The following MDGA2 variants were observed in gnomAD, a reference collection of about 807,000 sequenced individuals.
The protein encoded by MDGA2 is MAM domain containing glycosylphosphatidylinositol anchor 2, also known as MAM domain-containing glycosylphosphatidylinositol anchor protein 2.
In MDGA2, 40 loss-of-function variants were observed where a neutral mutation model predicts 117.8. The ratio of observed to expected loss-of-function variants is 0.34; its 90% CI spans 0.26 to 0.44. MDGA2 has a LOEUF of 0.44. MDGA2 is among the 20% of genes least tolerant of loss of function. MDGA2 has a pLI of 1.00. For missense variants in MDGA2, 1,123 were observed against 1,250.6 expected (o/e 0.90, Z 1.54); for synonymous variants, 452 against 439.0 (o/e 1.03, Z -0.37).
At chr14:47,586,843 C>T (rs1264485290) in intron 1 of MDGA2, among the ~76,000 whole-genome samples, 1 of 148,538 alleles carries the variant, frequency 6.7e-6, no homozygotes, top group Non-Finnish European at 1.5e-5. Context: ...TCTCCACATG[C>T]TTTGCTCTGT....
intron 1 of MDGA2, among the ~76,000 whole-genome samples, chr14:47,627,999 CAGTG>C (rs1897181966): frequency 1.3e-5 from 2 of 152,268 alleles, no homozygotes; most frequent in Admixed American, 1.3e-4. Flanking sequence ...TTCTTGAAGT[CAGTG>C]AGACCAACAA....
chr14:47,126,917 C>T (rs968203069), intron 5 of MDGA2, among the ~76,000 whole-genome samples: 2 of 151,996 alleles, frequency 1.3e-5, no homozygotes, highest in African/African-American at 2.4e-5. Context: ...GGGCATTGTG[C>T]AAATCAGGTC....
chr14:47,481,924 T>C (rs1893961762), intron 1 of MDGA2, among the ~76,000 whole-genome samples: 1 of 151,922 alleles, frequency 6.6e-6, no homozygotes, highest in Non-Finnish European at 1.5e-5. Context: ...TGGTCAGAAG[T>C]AAAGAAACAG....
chr14:47,294,763 T>TAA (rs1889006414), intron 2 of MDGA2, among the ~76,000 whole-genome samples: 1 of 152,096 alleles, frequency 6.6e-6, no homozygotes, highest in Non-Finnish European at 1.5e-5. Flanking sequence ...TCAAGATATA[T>TAA]AAAATATCTG....
intron 4 of MDGA2, among the ~76,000 whole-genome samples, chr14:47,134,349 A>G (rs976198391): frequency 3.3e-5 from 5 of 152,050 alleles, no homozygotes; most frequent in Non-Finnish European, 5.9e-5. Flanking sequence ...AGAATTTACT[A>G]TTTGTTTGGC....
intron 1 of MDGA2, among the ~76,000 whole-genome samples, chr14:47,337,753 G>A (rs1288421523): frequency 6.6e-6 from 1 of 151,862 alleles, no homozygotes; most frequent in African/African-American, 2.4e-5. Flanking sequence ...CATAATGTAT[G>A]ATATGATATT....
chr14:47,446,845 T>C (rs1398829638), intron 1 of MDGA2, among the ~76,000 whole-genome samples: 4 of 152,112 alleles, frequency 2.6e-5, no homozygotes, highest in Non-Finnish European at 5.9e-5. Context: ...CAAATTTAAA[T>C]TGGTGATATT....
chr14:47,416,406 A>G (rs939371546), intron 1 of MDGA2, among the ~76,000 whole-genome samples: 1 of 152,214 alleles, frequency 6.6e-6, no homozygotes, highest in South Asian at 2.1e-4. Flanking sequence ...CAGACAGACT[A>G]AAGCAAGGAG....
chr14:47,045,267 A>AGATT (rs1224418654), intron 7 of MDGA2, among the ~76,000 whole-genome samples: 4 of 152,216 alleles, frequency 2.6e-5, no homozygotes, highest in Admixed American at 2.0e-4. Context: ...GATTTGGCTA[A>AGATT]GATTTCAAGT....
intron 1 of MDGA2, among the ~76,000 whole-genome samples, chr14:47,655,899 C>T (rs1055576354): frequency 6.6e-6 from 1 of 152,164 alleles, no homozygotes; most frequent in African/African-American, 2.4e-5. Context: ...TAATCCCACA[C>T]ATCCCATGAT....
intron 6 of MDGA2, among the ~76,000 whole-genome samples, chr14:47,072,821 CAGA>C (rs1322806310): frequency 6.6e-6 from 1 of 152,138 alleles, no homozygotes; most frequent in Admixed American, 6.5e-5. Context: ...TCAGCTCACC[CAGA>C]AGGATTATTG....
intron 8 of MDGA2, among the ~76,000 whole-genome samples, chr14:46,997,942 T>C (rs17641214): frequency 0.11 from 16,379 of 152,198 alleles, 1,124 homozygotes; most frequent in Middle Eastern, 0.19. Context: ...AAAACTTCTG[T>C]AGACACTTTA....
At chr14:47,622,864 C>T (rs555971285) in intron 1 of MDGA2, among the ~76,000 whole-genome samples, 1 of 152,144 alleles carries the variant, frequency 6.6e-6, no homozygotes, top group Non-Finnish European at 1.5e-5. Context: ...GATGGTTGCA[C>T]TGAAGCCAAC....
intron 1 of MDGA2, among the ~76,000 whole-genome samples, chr14:47,570,706 C>A (rs974114306): frequency 6.6e-6 from 1 of 152,154 alleles, no homozygotes; most frequent in African/African-American, 2.4e-5. Flanking sequence ...TAGCCATATG[C>A]AGAAAGCTGA....
chr14:46,989,294 C>T lies in MDGA2; in HGVS notation c.1820-31651G>A, dbSNP rs117088185. Among the ~76,000 whole-genome samples the T allele has an allele frequency of 7.0e-3, 1,061 of 151,286 alleles. 13 individuals are homozygous for T. Among genetic ancestry groups the T allele is most frequent in the East Asian group, 0.049 (251 of 5,142 alleles). ...TGGAAGGAAAATGGAACTCCCCCCA[C>T]ACATATCAGAAAAGGATAGCTGCAC... On this transcript the variant is annotated intron_variant, in intron 8 of 16. Transcript: ENST00000399232.
intron 3 of MDGA2, among the ~76,000 whole-genome samples, chr14:47,183,977 G>T (rs1270663096): frequency 2.0e-5 from 3 of 151,862 alleles, no homozygotes; most frequent in Non-Finnish European, 4.4e-5. Flanking sequence ...TGTCTTCCAT[G>T]ATAATTCCTC....
chr14:47,378,824 C>T (rs539857074), intron 1 of MDGA2, among the ~76,000 whole-genome samples: 1 of 152,270 alleles, frequency 6.6e-6, no homozygotes, highest in South Asian at 2.1e-4. Flanking sequence ...CTTCCCCAAC[C>T]TAGCAAGGGA....
chr14:47,532,825 A>G (rs77139169), intron 1 of MDGA2, among the ~76,000 whole-genome samples: 200 of 152,338 alleles, frequency 1.3e-3, no homozygotes, highest in African/African-American at 4.6e-3. Flanking sequence ...ATTAGGTTCA[A>G]TTCTAGGTTT....
At chr14:47,455,280 C>A (rs373511981) in intron 1 of MDGA2, among the ~76,000 whole-genome samples, 1 of 151,852 alleles carries the variant, frequency 6.6e-6, no homozygotes. Flanking sequence ...TCGAGGTGGG[C>A]GGATCGCCTG....
Sources: gnomAD v4.1 joint callset for allele counts (sites outside exome capture counted in the v4.1 genomes callset) on GRCh38, gnomAD v4.1.1 for gene constraint, MANE v1.5 for transcripts, NCBI Gene and HGNC (gene_info 2026-07-23, HGNC 2026-07-21) for gene names.